Variants in RAB38 observed in about 807,000 individuals in gnomAD.
RAB38 encodes ras-related protein Rab-38.
Under a neutral mutation model 18.4 loss-of-function variants are expected in RAB38, and 15 were observed. That is an observed-to-expected ratio of 0.82 (90% CI 0.55 to 1.26). The LOEUF (loss-of-function observed/expected upper bound fraction) is 1.26. Ranked by LOEUF, RAB38 falls within the 50% of genes most tolerant of loss-of-function variation. RAB38 has a pLI of 0.00. For synonymous variants in RAB38, 101 were observed against 104.4 expected, an observed-to-expected ratio of 0.97 and a Z score of 0.20; for missense variants, 294 against 267.4, an observed-to-expected ratio of 1.10 and a Z score of -0.69.
the RAB38 span, among the ~76,000 whole-genome samples, chr11:87,966,201 A>G: frequency 6.6e-6 from 1 of 152,172 alleles, no homozygotes; most frequent in Non-Finnish European, 1.5e-5. Flanking sequence ...GAAAATGTGG[A>G]TCAGGATAGG....
the RAB38 span, among the ~76,000 whole-genome samples, chr11:88,066,801 A>G: frequency 6.6e-6 from 1 of 152,204 alleles, no homozygotes. Context: ...GGTATAGTTT[A>G]CCAACAGCGA....
chr11:87,889,850 C>T, the RAB38 span, among the ~76,000 whole-genome samples: 1 of 151,552 alleles, frequency 6.6e-6, no homozygotes, highest in Non-Finnish European at 1.5e-5. Flanking sequence ...ATTTTTGCAA[C>T]TAGAATGTGT....
the RAB38 span, among the ~76,000 whole-genome samples, chr11:88,095,251 T>C: frequency 6.6e-6 from 1 of 151,964 alleles, no homozygotes; most frequent in African/African-American, 2.4e-5. Flanking sequence ...ATCCCATTTC[T>C]CTGCTTCATT....
chr11:87,925,603 A>T, the RAB38 span, among the ~76,000 whole-genome samples: 2 of 152,018 alleles, frequency 1.3e-5, no homozygotes, highest in Non-Finnish European at 2.9e-5. Flanking sequence ...TTCAAATGGA[A>T]ATCATCTTGG....
chr11:87,906,157 GATT>G, the RAB38 span, among the ~76,000 whole-genome samples: 82 of 152,030 alleles, frequency 5.4e-4, no homozygotes, highest in African/African-American at 1.9e-3. Context: ...AGAATGGCTA[GATT>G]ATTACCAGCT....
chr11:87,922,879 GGATGGGA>G, the RAB38 span, among the ~76,000 whole-genome samples: 1 of 150,732 alleles, frequency 6.6e-6, no homozygotes, highest in Admixed American at 6.6e-5. Context: ...GAAGAAAAAT[GGATGGGA>G]GATGGAAGGG....
At chr11:88,068,937 G>A in the RAB38 span, among the ~76,000 whole-genome samples, 2 of 152,356 alleles carry the variant, frequency 1.3e-5, no homozygotes, top group East Asian at 1.9e-4. Flanking sequence ...GGCCTCGGTG[G>A]CCAGAGTGGA....
the RAB38 span, among the ~76,000 whole-genome samples, chr11:88,097,506 A>G: frequency 6.6e-6 from 1 of 151,866 alleles, no homozygotes; most frequent in Non-Finnish European, 1.5e-5. Context: ...CCCAAAACAC[A>G]GCCAGGATGC....
At chr11:88,160,619 G>A (rs1175175704) in intron 1 of RAB38, among the ~76,000 whole-genome samples, 1 of 152,046 alleles carries the variant, frequency 6.6e-6, no homozygotes, top group East Asian at 1.9e-4. Flanking sequence ...AGACAACATA[G>A]TACATATTCA....
chr11:87,850,200 A>T, the RAB38 span, among the ~76,000 whole-genome samples: 5 of 152,130 alleles, frequency 3.3e-5, no homozygotes, highest in African/African-American at 1.2e-4. Context: ...TTACTAAAGT[A>T]CCAAAACATT....
the RAB38 span, among the ~76,000 whole-genome samples, chr11:87,910,633 C>CTTTTTTTTTTT: frequency 6.9e-5 from 9 of 131,100 alleles, no homozygotes; most frequent in Non-Finnish European, 1.1e-4. Context: ...AGTTCATTTT[C>CTTTTTTTTTTT]TTTTTTTTTT....
At chr11:87,816,181 G>A in the RAB38 span, 1 of 152,232 alleles carries the variant, frequency 6.6e-6, no homozygotes, top group African/African-American at 2.4e-5. Flanking sequence ...TACAATGATG[G>A]TTTTTCATAC....
chr11:87,905,390 T>C, the RAB38 span, among the ~76,000 whole-genome samples: 1 of 151,784 alleles, frequency 6.6e-6, no homozygotes, highest in Non-Finnish European at 1.5e-5. Context: ...ATAGGGCATA[T>C]ATTCCTGTGT....
the RAB38 span, among the ~76,000 whole-genome samples, chr11:87,925,903 G>C: frequency 6.6e-6 from 1 of 151,910 alleles, no homozygotes; most frequent in East Asian, 2.0e-4. Context: ...CTCATCTAAG[G>C]CTTCTTCTAA....
chr11:88,017,535 C>T, the RAB38 span, among the ~76,000 whole-genome samples: 76,592 of 150,746 alleles, frequency 0.51, 20,900 homozygotes, highest in Non-Finnish European at 0.62. Context: ...TCTTATTATG[C>T]TATGATTCAT....
At chr11:87,915,666 A>T in the RAB38 span, among the ~76,000 whole-genome samples, 3 of 152,272 alleles carry the variant, frequency 2.0e-5, no homozygotes, top group African/African-American at 7.2e-5. Flanking sequence ...ATGAAAATGG[A>T]CAACCAGCGG....
intron 2 of RAB38, among the ~76,000 whole-genome samples, chr11:88,141,228 T>C (rs1211529525): frequency 1.3e-5 from 2 of 152,172 alleles, no homozygotes; most frequent in African/African-American, 4.8e-5. Context: ...TGTTTAATTG[T>C]GGTCTCAGTG....
chr11:88,027,488 C>T, the RAB38 span, among the ~76,000 whole-genome samples: 26 of 152,276 alleles, frequency 1.7e-4, no homozygotes, highest in Admixed American at 1.0e-3. Context: ...GGGTGACAGA[C>T]GGCACCTGCA....
the RAB38 span, among the ~76,000 whole-genome samples, chr11:87,964,037 A>G: frequency 6.6e-6 from 1 of 152,220 alleles, no homozygotes; most frequent in Non-Finnish European, 1.5e-5. Flanking sequence ...GTAACTGTGC[A>G]GTAAGTCCTC....
Sources: allele counts gnomAD v4.1 joint callset (sites outside exome capture counted in the v4.1 genomes callset), GRCh38; gene constraint gnomAD v4.1.1; transcripts MANE v1.5; gene names NCBI Gene and HGNC (gene_info 2026-07-23, HGNC 2026-07-21).